MIEF1: variants seen among roughly 807,000 people sequenced by gnomAD.
MIEF1 encodes the protein mitochondrial dynamics protein MIEF1.
A neutral mutation model predicts 35.1 loss-of-function variants in MIEF1; 14 were observed. That is an observed-to-expected ratio of 0.40 (90% CI 0.26 to 0.62). The LOEUF is 0.62. Ranked by LOEUF, MIEF1 falls within the 20% of genes least tolerant of loss-of-function variation. The pLI is 0.43. For missense variants in MIEF1, 542 were observed against 615.4 expected, an observed-to-expected ratio of 0.88 and a Z score of 1.26; for synonymous variants, 245 against 254.3, an observed-to-expected ratio of 0.96 and a Z score of 0.35.
chr22:39,516,091 A>C lies in MIEF1; in HGVS notation c.*1768A>C, dbSNP rs537842574. The C allele has an allele frequency of 6.6e-6, 1 of 152,240 alleles. No individual in the cohort carries two copies. Among genetic ancestry groups the C allele is most frequent in the Admixed American group, 6.5e-5 (1 of 15,288 alleles). 9.4% of individuals were successfully genotyped at this position (152,240 alleles called of 1,614,324 possible). A position where few individuals can be genotyped will look rare whatever the true frequency, so the allele number is the denominator to read the frequency against. On this transcript the variant is annotated 3_prime_UTR_variant, in exon 6 of 6. Coordinates refer to ENST00000325301, the MANE Select transcript of MIEF1 (RefSeq NM_019008.6). ...TTGCATAAAGGTATTGAGAGGGAACAAAAAACATAAAGCTGAGAATCTTGA... is the reference window on the plus strand; with the variant it reads ...TTGCATAAAGGTATTGAGAGGGAACCAAAAACATAAAGCTGAGAATCTTGA...
chr22:39,509,164 C>T (rs536762132), intron 2 of MIEF1, among the ~76,000 whole-genome samples: 1 of 152,202 alleles, frequency 6.6e-6, no homozygotes, highest in Non-Finnish European at 1.5e-5. Flanking sequence ...CTATGTTGGC[C>T]AGGCTGGTCT....
intron 2 of MIEF1, among the ~76,000 whole-genome samples, chr22:39,508,477 C>T (rs17001195): frequency 0.019 from 2,963 of 152,246 alleles, 90 homozygotes; most frequent in African/African-American, 0.064. Flanking sequence ...GTAAATATTT[C>T]AGTAAAGAGT....
chr22:39,511,183 G>T (rs1432051251), intron 2 of MIEF1, 105 bp from the exon 3 acceptor site: 1 of 1,453,814 alleles, frequency 6.9e-7, no homozygotes, highest in Non-Finnish European at 9.4e-7. Flanking sequence ...GATTTGGGTT[G>T]CTGGAACTCA....
Position 39,513,551 on chromosome 22 carries a change from C to T in MIEF1, c.620C>T (p.Pro207Leu), listed in dbSNP as rs778255699. The change falls in exon 6 of 6, where the codon CCC (proline) becomes CTC (leucine). Residue 207 changes from proline to leucine, a missense_variant. Pro to Leu is a moderately conservative substitution (Grantham distance 98, BLOSUM62 -3). Coordinates refer to ENST00000325301, the MANE Select transcript of MIEF1 (RefSeq NM_019008.6). ...GCTGACCACATCCAACTCATTGTGC[C>T]CCTTGTGCTGGAGCAGAACCTGTGG... ...VTADHIQLIV[P>L]LVLEQNLWSC... is the part of the protein sequence containing the mutation. 6.2e-7 allele frequency: 1 copy of T among 1,614,160 alleles called. No homozygotes were observed.
chr22:39,512,975 T>G (rs924338739), intron 5 of MIEF1, among the ~76,000 whole-genome samples: 1 of 152,226 alleles, frequency 6.6e-6, no homozygotes, highest in Non-Finnish European at 1.5e-5. Context: ...TAATCGTTTC[T>G]CATGTTTTAG....
In MIEF1 at chr22:39,512,447, C is replaced by T; in HGVS notation, c.538C>T (p.Pro180Ser). 2 of 1,613,996 alleles carry T rather than the reference C, an allele frequency of 1.2e-6. No individual in the cohort carries two copies. Residue 180 changes from proline to serine, a missense_variant, in exon 5 of 6, where the codon CCG (proline) becomes TCG (serine). Transcript: ENST00000325301. ...CCTGCGGGCCAAGTTGCCTGACATG[C>T]CGCTTCGGGACATGTACTTGAGTGG... ...SFLRAKLPDM[P>S]LRDMYLSGSL...
intron 2 of MIEF1, among the ~76,000 whole-genome samples, chr22:39,507,213 G>C (rs1489075090): frequency 1.3e-5 from 2 of 152,130 alleles, no homozygotes; most frequent in Non-Finnish European, 2.9e-5. Context: ...TCCTTGGATG[G>C]TGGGCGGGGG....
intron 4 of MIEF1, 27 bp downstream of exon 4, chr22:39,512,053 G>A: frequency 1.9e-6 from 3 of 1,599,934 alleles, no homozygotes; most frequent in Non-Finnish European, 2.6e-6. Flanking sequence ...CCCCTCCTGG[G>A]ACCTCTCTGG....
chr22:39,511,218 T>C, intron 2 of MIEF1, 70 bp from the exon 3 acceptor site: 1 of 1,597,788 alleles, frequency 6.3e-7, no homozygotes. Flanking sequence ...CTTGTTGGGG[T>C]TTGGCTTGTT....
chr22:39,513,062 T>G (rs1285391432), intron 5 of MIEF1, among the ~76,000 whole-genome samples: 1 of 152,212 alleles, frequency 6.6e-6, no homozygotes, highest in Non-Finnish European at 1.5e-5. Flanking sequence ...CCTTTCTAGT[T>G]TTCTCACTCT....
rs1183818696 is a variant in MIEF1 at position 39,514,301 on chromosome 22, C to G, written c.1370C>G (p.Pro457Arg). 1 of 1,613,716 alleles carries G rather than the reference C, an allele frequency of 6.2e-7. No homozygotes were observed. ...ACTCTGTATTGCTCATTGTCTGAGC[C>G]AGAGGTGCTGCTGCAGACGTAGGGC... Reference protein sequence around the residue: ...GYTLYCSLSEPEVLLQT With the variant: ...GYTLYCSLSEREVLLQT Residue 457 changes from proline (P) to arginine (R), a missense_variant, in exon 6 of 6, where the codon CCA becomes CGA. Pro to Arg is a moderately radical substitution (Grantham distance 103). Coordinates refer to ENST00000325301, the MANE Select transcript of MIEF1 (RefSeq NM_019008.6).
rs986098675 is a variant in MIEF1, at chr22:39,517,583, C to T, written c.*3260C>T. 3.4e-5 allele frequency: 16 copies of T among 471,056 alleles called. No individual in the cohort carries two copies. The highest frequency in any genetic ancestry group is 1.2e-4 in the Admixed American group (5 of 42,562). 29.2% of individuals were successfully genotyped at this position (471,056 alleles called of 1,614,324 possible). ...AGGGTTCTGTAAATACAGACTACTG[C>T]GAGTGTCCAGAGCTCTCTGCCATGA... On this transcript the variant is annotated 3_prime_UTR_variant, in exon 6 of 6. Transcript: ENST00000325301.
Position 39,514,423 on chromosome 22 carries a change from T to A in MIEF1, c.*100T>A. 1 of 1,197,616 alleles carries A rather than the reference T, an allele frequency of 8.3e-7. No homozygotes were observed. The allele number at this position is 1,197,616 out of a possible 1,614,324, so 74.2% of individuals were successfully genotyped here. On this transcript the variant is annotated 3_prime_UTR_variant, in exon 6 of 6. Coordinates refer to ENST00000325301, the MANE Select transcript of MIEF1 (RefSeq NM_019008.6). The stretch of plus-strand genomic sequence containing the variant: ...GGTGCCTCACAGGGTTCCTGCTGCC[T>A]GGTGTCTTGCTGATCATCACCCTGG...
In MIEF1 at chr22:39,514,508, C is replaced by T. The variant is rs1191860106; in HGVS notation, c.*185C>T. 1 of 636,628 alleles carries T rather than the reference C, an allele frequency of 1.6e-6. No homozygotes were observed. Among genetic ancestry groups the T allele is most frequent in the Non-Finnish European group, 2.7e-6 (1 of 373,250 alleles). 39.4% of individuals were successfully genotyped at this position (636,628 alleles called of 1,614,324 possible). ...TCTCCTATTTTGTTACCCAACTCTT[C>T]CTATTTTTGTTACCAATCACTGTGC... On this transcript the variant is annotated 3_prime_UTR_variant, in exon 6 of 6. Coordinates refer to ENST00000325301, the MANE Select transcript of MIEF1 (RefSeq NM_019008.6).
intron 2 of MIEF1, among the ~76,000 whole-genome samples, chr22:39,507,477 C>T (rs959787533): frequency 2.2e-4 from 34 of 151,970 alleles, no homozygotes; most frequent in African/African-American, 8.2e-4. Flanking sequence ...GATCTCCTGA[C>T]CTCGTGATCT....
chr22:39,515,435 T>C lies in MIEF1; in HGVS notation c.*1112T>C. 1.5e-6 allele frequency: 1 copy of C among 684,894 alleles called. No homozygotes were observed. Among genetic ancestry groups the C allele is most frequent in the Non-Finnish European group, 2.7e-6 (1 of 369,350 alleles). 42.4% of individuals were successfully genotyped at this position (684,894 alleles called of 1,614,324 possible). ...GCCCTTCATCCTCCAGCGTCTGCCA[T>C]AGGAATGTGAGAGGGGTGTTTGCTG... On this transcript the variant is annotated 3_prime_UTR_variant, in exon 6 of 6. Transcript: ENST00000325301.
Position 39,514,032 on chromosome 22 carries a change from C to G in MIEF1, c.1101C>G (p.Leu367=), listed in dbSNP as rs1930521549. 6.2e-7 allele frequency: 1 copy of G among 1,613,834 alleles called. No individual in the cohort carries two copies. Among genetic ancestry groups the G allele is most frequent in the Admixed American group, 1.7e-5 (1 of 60,030 alleles). The change falls in exon 6 of 6, where the codon CTC becomes CTG. Residue 367 remains leucine, a synonymous_variant. Transcript: ENST00000325301. Reference sequence around the variant, plus strand: ...GCCGATCTCTGTGCCTCAAGATCCTCAAGGCCATATGCAAGTCCACCCCGG... The same window carrying G: ...GCCGATCTCTGTGCCTCAAGATCCTGAAGGCCATATGCAAGTCCACCCCGG... ...SGCRSLCLKI[L]KAICKSTPAL... is the part of the protein sequence containing the mutation.
At chr22:39,502,546 C>A (rs999077072) in intron 1 of MIEF1, 109 bp downstream of exon 1, 6 of 152,368 alleles carry the variant, frequency 3.9e-5, no homozygotes, top group Admixed American at 2.6e-4. Flanking sequence ...AGTCAGGATA[C>A]CAGCATGCAG....
rs1930505470 is a variant in MIEF1 at position 39,513,891 on chromosome 22, C to T, written c.960C>T (p.Asp320=). 1.2e-6 allele frequency: 2 copies of T among 1,614,012 alleles called. No homozygotes were observed. Among genetic ancestry groups the T allele is most frequent in the African/African-American group, 1.3e-5 (1 of 74,938 alleles). ...TCCTGCCATCAGTGACCCTCGGTGACACAGTCTTGGTGGCCAAACCACACC... is the reference window on the plus strand; with the variant it reads ...TCCTGCCATCAGTGACCCTCGGTGATACAGTCTTGGTGGCCAAACCACACC... The part of the protein sequence containing the change: ...IDFLPSVTLG[D]TVLVAKPHRL... The change falls in exon 6 of 6, where the codon GAC becomes GAT. Residue 320 remains aspartate, a synonymous_variant. Transcript: ENST00000325301.
Sources: gnomAD v4.1 joint callset for allele counts (sites outside exome capture counted in the v4.1 genomes callset) on GRCh38, gnomAD v4.1.1 for gene constraint, MANE v1.5 for transcripts, NCBI Gene and HGNC (gene_info 2026-07-23, HGNC 2026-07-21) for gene names.